AK5: variants seen among roughly 807,000 people sequenced by gnomAD.
AK5 encodes the protein adenylate kinase 5, also known as adenylate kinase isoenzyme 5.
In AK5, 27 loss-of-function variants were observed where a neutral mutation model predicts 69.5. The observed-to-expected ratio is 0.39, with a 90% CI of 0.29 to 0.54. The LOEUF (loss-of-function observed/expected upper bound fraction) is 0.54. Among genes scored for constraint, AK5 ranks in the 20% least tolerant of loss-of-function variants. The pLI is 0.71. For synonymous variants in AK5, 260 were observed against 244.4 expected (o/e 1.06, Z -0.60); for missense variants, 531 against 700.4 (o/e 0.76, Z 2.73).
intron 8 of AK5, among the ~76,000 whole-genome samples, chr1:77,430,778 G>A (rs925970981): frequency 5.9e-5 from 9 of 152,174 alleles, no homozygotes; most frequent in Admixed American, 5.2e-4. Flanking sequence ...GGCAGGGAGT[G>A]CCAAATGTGG....
intron 3 of AK5, among the ~76,000 whole-genome samples, chr1:77,296,741 A>C: frequency 6.6e-6 from 1 of 152,330 alleles, no homozygotes; most frequent in Non-Finnish European, 1.5e-5. Context: ...GCAGCTATTT[A>C]AAACCAAAAC....
chr1:77,536,572 T>G (rs1018214095), intron 13 of AK5, among the ~76,000 whole-genome samples: 7 of 152,232 alleles, frequency 4.6e-5, no homozygotes, highest in South Asian at 2.1e-4. Flanking sequence ...CATATAATTT[T>G]CACAGATCCC....
At chr1:77,517,218 G>A (rs1657704121) in intron 10 of AK5, among the ~76,000 whole-genome samples, 1 of 152,166 alleles carries the variant, frequency 6.6e-6, no homozygotes, top group Admixed American at 6.5e-5. Flanking sequence ...ATGGAGGTGG[G>A]AGTGCCCTGC....
chr1:77,435,141 A>G (rs576150474), intron 8 of AK5, among the ~76,000 whole-genome samples: 20 of 152,336 alleles, frequency 1.3e-4, no homozygotes, highest in Non-Finnish European at 2.5e-4. Context: ...CAACCTAGCC[A>G]AGCAAAAAGA....
chr1:77,428,131 A>G (rs1414857663), intron 8 of AK5, among the ~76,000 whole-genome samples: 3 of 152,234 alleles, frequency 2.0e-5, no homozygotes, highest in Non-Finnish European at 4.4e-5. Context: ...CACCAAAGGT[A>G]TAATCCACAA....
intron 8 of AK5, among the ~76,000 whole-genome samples, chr1:77,434,732 AGCTTCCT>A (rs2100619498): frequency 6.6e-6 from 1 of 152,328 alleles, no homozygotes; most frequent in South Asian, 2.1e-4. Context: ...AGAAAGAAAA[AGCTTCCT>A]GCAATATAAT....
chr1:77,553,492 A>G (rs542944441), intron 13 of AK5, among the ~76,000 whole-genome samples: 1 of 152,352 alleles, frequency 6.6e-6, no homozygotes, highest in South Asian at 2.1e-4. Flanking sequence ...TTTGAAGTAG[A>G]TGGTCACTTG....
rs1660309305 is a variant in AK5 at position 77,559,332 on chromosome 1, T to C, written c.*662T>C. The C allele has an allele frequency of 6.6e-6, 1 of 152,100 alleles. No individual in the cohort carries two copies. The highest frequency in any genetic ancestry group is 1.5e-5 in the Non-Finnish European group (1 of 68,018). 9.4% of individuals were successfully genotyped at this position (152,100 alleles called of 1,614,324 possible). ...AGTCATCAGTAACCTTCTCTATTAT[T>C]ATTATTTTTTAGAAACTTGGAATAC... On this transcript the variant is annotated 3_prime_UTR_variant, in exon 14 of 14. Coordinates refer to ENST00000354567, the MANE Select transcript of AK5 (RefSeq NM_174858.3).
intron 6 of AK5, among the ~76,000 whole-genome samples, chr1:77,400,027 C>T (rs1428322986): frequency 1.3e-5 from 2 of 152,216 alleles, no homozygotes; most frequent in Non-Finnish European, 2.9e-5. Context: ...CTGCCAACAA[C>T]CACAGCCACC....
At position 77,559,823 on chromosome 1, in the gene AK5, CAT is replaced by C. The variant is rs942641876; in HGVS notation, c.*1155_*1156del. ...CTTCCACTCAGTCACTACAAAAAAG[CAT>C]AGTTTCAGTTTGCATGAATTTTTTT... On this transcript the variant is annotated 3_prime_UTR_variant, in exon 14 of 14. Coordinates refer to ENST00000354567, the MANE Select transcript of AK5 (RefSeq NM_174858.3). 2.6e-5 allele frequency: 4 copies of C among 152,296 alleles called. No individual in the cohort carries two copies. The highest frequency in any genetic ancestry group is 9.7e-5 in the African/African-American group (4 of 41,322). 9.4% of individuals were successfully genotyped at this position (152,296 alleles called of 1,614,324 possible).
At chr1:77,552,379 G>A (rs553081335) in intron 13 of AK5, among the ~76,000 whole-genome samples, 5 of 152,046 alleles carry the variant, frequency 3.3e-5, no homozygotes, top group Non-Finnish European at 5.9e-5. Context: ...CTCCCTTACC[G>A]TGCTTTAACA....
At chr1:77,304,815 C>T (rs79256724) in intron 5 of AK5, among the ~76,000 whole-genome samples, 11,219 of 152,248 alleles carry the variant, frequency 0.074, 517 homozygotes, top group East Asian at 0.2. Flanking sequence ...GCAGATATCT[C>T]TTCGATATAC....
chr1:77,283,971 A>G, intron 1 of AK5, among the ~76,000 whole-genome samples: 1 of 152,036 alleles, frequency 6.6e-6, no homozygotes, highest in Non-Finnish European at 1.5e-5. Context: ...GTAACCACAG[A>G]GAAGTTTGAT....
At chr1:77,497,419 G>A (rs759597090) in intron 10 of AK5, among the ~76,000 whole-genome samples, 6 of 152,136 alleles carry the variant, frequency 3.9e-5, no homozygotes, top group Non-Finnish European at 5.9e-5. Flanking sequence ...AACAAACTCC[G>A]GACACACCAT....
intron 6 of AK5, chr1:77,346,297 A>G (rs1163818804): frequency 1.3e-5 from 2 of 152,218 alleles, no homozygotes; most frequent in Non-Finnish European, 2.9e-5. Context: ...TAGGAATAGT[A>G]AAAGTTAATT....
chr1:77,514,886 A>G (rs907557363), intron 10 of AK5, among the ~76,000 whole-genome samples: 4 of 152,220 alleles, frequency 2.6e-5, no homozygotes, highest in African/African-American at 9.6e-5. Context: ...AGGGCTCCCA[A>G]CCATCCCAGG....
chr1:77,318,727 T>C (rs934184196), intron 5 of AK5, among the ~76,000 whole-genome samples: 1 of 151,888 alleles, frequency 6.6e-6, no homozygotes, highest in African/African-American at 2.4e-5. Flanking sequence ...TTTTTTTTTT[T>C]CTGCTTGTCC....
At chr1:77,461,769 C>CAAA (rs960152262) in intron 8 of AK5, among the ~76,000 whole-genome samples, 1 of 83,940 alleles carries the variant, frequency 1.2e-5, no homozygotes, top group African/African-American at 4.6e-5. Context: ...GACTCTGTCT[C>CAAA]AAAAAAAAAA....
At chr1:77,485,161 CA>C (rs1348041263) in intron 9 of AK5, among the ~76,000 whole-genome samples, 2 of 152,214 alleles carry the variant, frequency 1.3e-5, no homozygotes, top group African/African-American at 4.8e-5. Context: ...TGTTTCCTGT[CA>C]CCATGGGTTA....
Sources: gnomAD v4.1 joint callset for allele counts (sites outside exome capture counted in the v4.1 genomes callset) on GRCh38, gnomAD v4.1.1 for gene constraint, MANE v1.5 for transcripts, NCBI Gene and HGNC (gene_info 2026-07-23, HGNC 2026-07-21) for gene names.